The following CSMD3 variants were observed in gnomAD, a reference collection of about 807,000 sequenced individuals.
CSMD3 encodes CUB and Sushi multiple domains 3.
Under a neutral mutation model 435.2 loss-of-function variants are expected in CSMD3, and 177 were observed. The observed-to-expected ratio is 0.41, with a 90% CI of 0.36 to 0.46. The LOEUF is 0.46. Among genes scored for constraint, CSMD3 ranks in the 20% least tolerant of loss-of-function variants. CSMD3 has a pLI of 0.34. For synonymous variants in CSMD3, 1,656 were observed against 1,520.5 expected, an observed-to-expected ratio of 1.09 and a Z score of -2.07; for missense variants, 4,265 against 4,504.6, an observed-to-expected ratio of 0.95 and a Z score of 1.52.
At chr8:112,978,935 A>T (rs1235623101) in intron 6 of CSMD3, among the ~76,000 whole-genome samples, 2 of 152,078 alleles carry the variant, frequency 1.3e-5, no homozygotes, top group Admixed American at 6.6e-5. Flanking sequence ...TAATATTAGC[A>T]ATAATAAAAA....
At chr8:112,993,943 T>C (rs1000096872) in intron 6 of CSMD3, among the ~76,000 whole-genome samples, 1 of 151,804 alleles carries the variant, frequency 6.6e-6, no homozygotes, top group South Asian at 2.1e-4. Context: ...ACTTTTATTA[T>C]GAATGTGCTA....
chr8:112,759,669 A>G (rs1188853599), intron 13 of CSMD3, among the ~76,000 whole-genome samples: 1 of 152,152 alleles, frequency 6.6e-6, no homozygotes, highest in East Asian at 1.9e-4. Flanking sequence ...TGTATCAAGT[A>G]CCATATGCTA....
intron 4 of CSMD3, among the ~76,000 whole-genome samples, chr8:113,100,895 T>G (rs1457639297): frequency 6.6e-6 from 1 of 152,150 alleles, no homozygotes; most frequent in African/African-American, 2.4e-5. Flanking sequence ...CTTGGACTTG[T>G]GGCAGATGGA....
At chr8:112,250,288 T>C (rs926504299) in intron 63 of CSMD3, among the ~76,000 whole-genome samples, 5 of 151,938 alleles carry the variant, frequency 3.3e-5, no homozygotes, top group Non-Finnish European at 7.4e-5. Flanking sequence ...CCAAATATTA[T>C]AGAATTAAAA....
At position 112,533,333 on chromosome 8, in the gene CSMD3, A is replaced by G. The variant is rs146228158; in HGVS notation, c.4565-16108T>C. Among the ~76,000 whole-genome samples the G allele has an allele frequency of 5.3e-5, 8 of 152,158 alleles. No homozygotes were observed. In the East Asian group the frequency reaches 1.5e-3, roughly 29 times the overall value. On this transcript the variant is annotated intron_variant, in intron 27 of 70. Transcript: ENST00000297405. ...TTCAATTGAAAAACAAAGTGGCTGA[A>G]TGAACGAAAAAATAAGACCCAAATA...
At chr8:112,867,716 T>A (rs529505874) in intron 10 of CSMD3, among the ~76,000 whole-genome samples, 3 of 152,020 alleles carry the variant, frequency 2.0e-5, no homozygotes, top group Non-Finnish European at 4.4e-5. Context: ...TACAAAAAAA[T>A]TAAAAATGGT....
chr8:112,422,258 A>C lies in CSMD3; in HGVS notation c.5396-13226T>G, dbSNP rs541705900. Among the ~76,000 whole-genome samples the C allele has an allele frequency of 3.0e-4, 45 of 152,332 alleles. No homozygotes were observed. The South Asian group carries it at 5.6e-3, about 19-fold the overall frequency. On this transcript the variant is annotated intron_variant, in intron 32 of 70. Transcript: ENST00000297405. ...TATTTTATAATTTATTTATAAATACATTCATCCTAAATGGCCAAATTATTA... is the reference window on the plus strand; with the variant it reads ...TATTTTATAATTTATTTATAAATACCTTCATCCTAAATGGCCAAATTATTA...
At chr8:112,827,164 A>AAT (rs3047126) in intron 12 of CSMD3, among the ~76,000 whole-genome samples, 1,042 of 82,600 alleles carry the variant, frequency 0.013, 23 homozygotes, top group Middle Eastern at 0.017. Context: ...GGTTACCATA[A>AAT]ATATATATAT....
intron 38 of CSMD3, among the ~76,000 whole-genome samples, chr8:112,374,832 C>A (rs76246368): frequency 2.3e-4 from 35 of 152,224 alleles, no homozygotes; most frequent in African/African-American, 7.9e-4. Flanking sequence ...GCATAAATAT[C>A]CTGCTCTATG....
chr8:112,975,049 T>TG (rs2084795015), intron 7 of CSMD3, among the ~76,000 whole-genome samples: 1 of 151,914 alleles, frequency 6.6e-6, no homozygotes, highest in Non-Finnish European at 1.5e-5. Flanking sequence ...TACATTGAAT[T>TG]TTTTTCCTAA....
At chr8:112,555,960 C>T (rs1014765667) in intron 25 of CSMD3, among the ~76,000 whole-genome samples, 2 of 151,930 alleles carry the variant, frequency 1.3e-5, no homozygotes, top group East Asian at 1.9e-4. Context: ...GGATTTCTGC[C>T]TCTATAAATG....
At chr8:112,422,434 C>A (rs1812621047) in intron 32 of CSMD3, among the ~76,000 whole-genome samples, 1 of 152,126 alleles carries the variant, frequency 6.6e-6, no homozygotes, top group African/African-American at 2.4e-5. Context: ...ACAGGAGTAG[C>A]AGAATCTATT....
rs1305438513 is a variant in CSMD3, at chr8:113,436,902, G to A, written c.-48C>T. On this transcript the variant is annotated 5_prime_UTR_variant, in exon 1 of 71. Transcript: ENST00000297405. ...CTGCTCCTCAGCCCGGCGCAGTGGA[G>A]TTGTTGCTGTTGTTGGTGCGCGGTC... 5.0e-6 allele frequency: 8 copies of A among 1,603,368 alleles called. No homozygotes were observed. In the East Asian group the frequency reaches 1.3e-4, roughly 27 times the overall value.
intron 11 of CSMD3, among the ~76,000 whole-genome samples, chr8:112,848,347 T>G (rs1236831053): frequency 6.6e-6 from 1 of 152,146 alleles, no homozygotes; most frequent in Non-Finnish European, 1.5e-5. Context: ...CATTGTGCAC[T>G]CATCTTAGAC....
intron 11 of CSMD3, among the ~76,000 whole-genome samples, chr8:112,844,327 G>A (rs1355686133): frequency 6.6e-6 from 1 of 151,864 alleles, no homozygotes; most frequent in Admixed American, 6.6e-5. Flanking sequence ...TGTAACAGAG[G>A]TTGTCATATC....
intron 45 of CSMD3, among the ~76,000 whole-genome samples, chr8:112,325,943 C>T (rs150999266): frequency 2.6e-5 from 4 of 152,064 alleles, no homozygotes; most frequent in African/African-American, 9.7e-5. Flanking sequence ...GGAATACTGT[C>T]TGGCACATTT....
chr8:113,233,714 A>G (rs1588331038), intron 3 of CSMD3, among the ~76,000 whole-genome samples: 1 of 151,908 alleles, frequency 6.6e-6, no homozygotes, highest in East Asian at 1.9e-4. Context: ...GAGAAGGAAA[A>G]GATAAAAAAA....
At chr8:112,945,001 A>G (rs1247974863) in intron 9 of CSMD3, among the ~76,000 whole-genome samples, 1 of 151,648 alleles carries the variant, frequency 6.6e-6, no homozygotes, top group Non-Finnish European at 1.5e-5. Context: ...TGTTCAACTA[A>G]TCACTTAACA....
intron 3 of CSMD3, among the ~76,000 whole-genome samples, chr8:113,276,784 T>C (rs1332863601): frequency 6.6e-6 from 1 of 152,050 alleles, no homozygotes; most frequent in African/African-American, 2.4e-5. Flanking sequence ...CCTGAAGATT[T>C]TGCAGTATGA....
Sources: allele counts gnomAD v4.1 joint callset (sites outside exome capture counted in the v4.1 genomes callset), GRCh38; gene constraint gnomAD v4.1.1; transcripts MANE v1.5; gene names NCBI Gene and HGNC (gene_info 2026-07-23, HGNC 2026-07-21).